The following ST18 variants were observed in gnomAD, a reference collection of about 807,000 sequenced individuals.
ST18 encodes the protein suppression of tumorigenicity 18 protein.
ST18 carries 50 observed loss-of-function variants against 110.0 expected under a neutral mutation model. The observed-to-expected ratio is 0.45, with a 90% CI of 0.36 to 0.58. ST18 has a LOEUF of 0.58. Ranked by LOEUF, ST18 falls within the 20% of genes least tolerant of loss-of-function variation. The pLI is 0.00. For missense variants in ST18, 1,306 were observed against 1,280.1 expected (o/e 1.02, Z -0.31); for synonymous variants, 461 against 452.4 (o/e 1.02, Z -0.24).
At chr8:52,202,725 C>T (rs1258812678) in intron 8 of ST18, among the ~76,000 whole-genome samples, 1 of 152,106 alleles carries the variant, frequency 6.6e-6, no homozygotes, top group Admixed American at 6.6e-5. Context: ...AAGAATTATG[C>T]CAGGCATGGC....
chr8:52,322,949 C>G (rs1181388583), intron 2 of ST18, among the ~76,000 whole-genome samples: 1 of 152,124 alleles, frequency 6.6e-6, no homozygotes, highest in African/African-American at 2.4e-5. Flanking sequence ...ACTTGCTATC[C>G]CTCCTCCATC....
intron 15 of ST18, among the ~76,000 whole-genome samples, chr8:52,156,156 A>G (rs960656351): frequency 7.2e-5 from 11 of 152,192 alleles, no homozygotes; most frequent in Non-Finnish European, 1.5e-4. Flanking sequence ...CAGCTCCCAG[A>G]GGGTCACTTC....
intron 2 of ST18, among the ~76,000 whole-genome samples, chr8:52,281,689 G>A (rs1402672748): frequency 2.0e-5 from 3 of 152,178 alleles, no homozygotes; most frequent in Non-Finnish European, 4.4e-5. Context: ...TGTGGCACAT[G>A]TATACCATGG....
At chr8:52,132,892 A>G (rs1429472867) in intron 21 of ST18, among the ~76,000 whole-genome samples, 165 bp downstream of exon 21, 1 of 151,760 alleles carries the variant, frequency 6.6e-6, no homozygotes, top group Non-Finnish European at 1.5e-5. Flanking sequence ...GTAGATATAA[A>G]TTGGAAACTT....
intron 23 of ST18, among the ~76,000 whole-genome samples, chr8:52,121,415 A>G (rs1045743395): frequency 1.3e-5 from 2 of 152,344 alleles, no homozygotes; most frequent in Middle Eastern, 3.4e-3. Flanking sequence ...ATCAAATTCA[A>G]CTAATTTCTT....
intron 22 of ST18, among the ~76,000 whole-genome samples, chr8:52,126,468 T>C (rs912541610): frequency 3.3e-5 from 5 of 152,268 alleles, no homozygotes; most frequent in African/African-American, 1.2e-4. Flanking sequence ...TACTTTATTT[T>C]CTGTAAATGT....
At chr8:52,310,832 G>A (rs1397174099) in intron 2 of ST18, among the ~76,000 whole-genome samples, 3 of 145,382 alleles carry the variant, frequency 2.1e-5, no homozygotes, top group Non-Finnish European at 4.5e-5. Context: ...ATGAGCAGGT[G>A]ACTGATGAGA....
chr8:52,389,701 ACT>A (rs1307408349), intron 2 of ST18, among the ~76,000 whole-genome samples: 1 of 152,136 alleles, frequency 6.6e-6, no homozygotes, highest in African/African-American at 2.4e-5. Context: ...GAGTAAGGAG[ACT>A]GCAGAAGAGA....
In ST18 at chr8:52,123,415, T is replaced by C. The variant is rs561581441; in HGVS notation, c.2755+2637A>G. Among the ~76,000 whole-genome samples, 3 of 152,302 alleles carry C rather than the reference T, an allele frequency of 2.0e-5. No individual in the cohort carries two copies. The East Asian group carries it at 5.8e-4, about 29-fold the overall frequency. ...TAAAGATCATCCAGAGAACAATTAT[T>C]GTGGCCACACTTTAAGGTAAGGGAT... On this transcript the variant is annotated intron_variant, in intron 23 of 25. Transcript: ENST00000689386.
intron 2 of ST18, among the ~76,000 whole-genome samples, chr8:52,234,628 A>G (rs758554543): frequency 1.3e-5 from 2 of 152,168 alleles, no homozygotes; most frequent in East Asian, 3.8e-4. Context: ...TATGAAAAAG[A>G]TACTTGCACA....
intron 2 of ST18, among the ~76,000 whole-genome samples, chr8:52,303,530 C>A (rs192527022): frequency 6.6e-6 from 1 of 152,126 alleles, no homozygotes; most frequent in African/African-American, 2.4e-5. Flanking sequence ...TGGGGGCATG[C>A]GATTCAGCGG....
Position 52,292,313 on chromosome 8 carries a change from C to T in ST18, c.-464-62236G>A, listed in dbSNP as rs185832234. Among the ~76,000 whole-genome samples, 27 of 152,230 alleles carry T rather than the reference C, an allele frequency of 1.8e-4. No individual in the cohort carries two copies. The East Asian group carries it at 4.6e-3, about 26-fold the overall frequency. On this transcript the variant is annotated intron_variant, in intron 2 of 25. Transcript: ENST00000689386. ...TGTCAGAGGTGCTGCTGCTTGGACGCCAGATGGTACCACATCATATGACAG... is the reference window on the plus strand; with the variant it reads ...TGTCAGAGGTGCTGCTGCTTGGACGTCAGATGGTACCACATCATATGACAG...
intron 2 of ST18, 60 bp downstream of exon 2, chr8:52,409,268 G>A (rs1219362079): frequency 6.6e-6 from 1 of 152,226 alleles, no homozygotes; most frequent in Non-Finnish European, 1.5e-5. Flanking sequence ...TTCTCTCAAA[G>A]TTCAACCCAG....
intron 2 of ST18, among the ~76,000 whole-genome samples, chr8:52,324,555 G>A (rs760075946): frequency 5.9e-5 from 9 of 152,146 alleles, no homozygotes; most frequent in Non-Finnish European, 1.2e-4. Context: ...GCACGGCAAT[G>A]GGAACTAGTG....
intron 23 of ST18, among the ~76,000 whole-genome samples, chr8:52,123,367 G>T (rs984350888): frequency 6.6e-6 from 1 of 152,152 alleles, no homozygotes; most frequent in Non-Finnish European, 1.5e-5. Flanking sequence ...AATGTCTGAA[G>T]GTGTGTTGGT....
intron 2 of ST18, among the ~76,000 whole-genome samples, chr8:52,352,070 G>A (rs964553649): frequency 1.3e-5 from 2 of 152,146 alleles, no homozygotes; most frequent in African/African-American, 2.4e-5. Context: ...GTTGGAAACC[G>A]GGTGGATGAA....
chr8:52,368,032 T>G (rs1200769539), intron 2 of ST18, among the ~76,000 whole-genome samples: 2 of 152,222 alleles, frequency 1.3e-5, no homozygotes, highest in Non-Finnish European at 2.9e-5. Context: ...GGGTCTTGTC[T>G]ATTTCTCTAG....
At chr8:52,220,029 G>C (rs1457253292) in intron 5 of ST18, among the ~76,000 whole-genome samples, 1 of 152,166 alleles carries the variant, frequency 6.6e-6, no homozygotes, top group Non-Finnish European at 1.5e-5. Context: ...ATTAGTCACT[G>C]TACCACGGCC....
Position 52,303,074 on chromosome 8 carries a change from G to A in ST18, c.-464-72997C>T, listed in dbSNP as rs150366308. ...ATTGTAGGGAAACCTGGCAGATACT[G>A]CCTTGTGTTAGTTTCTGAAGGGTGC... On this transcript the variant is annotated intron_variant, in intron 2 of 25. Transcript: ENST00000689386. Among the ~76,000 whole-genome samples, 915 of 152,292 alleles carry A rather than the reference G, an allele frequency of 6.0e-3. 5 individuals carry two copies. Among genetic ancestry groups the A allele is most frequent in the African/African-American group, 0.021 (867 of 41,560 alleles).
Sources: gnomAD v4.1 joint callset for allele counts (sites outside exome capture counted in the v4.1 genomes callset) on GRCh38, gnomAD v4.1.1 for gene constraint, MANE v1.5 for transcripts, NCBI Gene and HGNC (gene_info 2026-07-23, HGNC 2026-07-21) for gene names.